Variants in C2CD3 observed in about 807,000 individuals in gnomAD.
C2CD3 encodes the protein C2 domain containing 3 centriole elongation regulator, also known as C2 domain-containing protein 3.
A neutral mutation model predicts 234.0 loss-of-function variants in C2CD3; 148 were observed. That is an observed-to-expected ratio of 0.63 (90% CI 0.55 to 0.72). The LOEUF is 0.72. Ranked by LOEUF, C2CD3 falls within the 30% of genes least tolerant of loss-of-function variation. C2CD3 has a pLI of 0.00. For missense variants in C2CD3, 2,577 were observed against 2,811.5 expected, an observed-to-expected ratio of 0.92 and a Z score of 1.89; for synonymous variants, 1,000 against 1,035.4, an observed-to-expected ratio of 0.97 and a Z score of 0.66.
At chr11:74,030,670 C>T (rs1379576679) in intron 31 of C2CD3, among the ~76,000 whole-genome samples, 4 of 152,162 alleles carry the variant, frequency 2.6e-5, no homozygotes, top group Non-Finnish European at 5.9e-5. Flanking sequence ...GTTCCCCCTT[C>T]CCAGGCTCTT....
intron 9 of C2CD3, among the ~76,000 whole-genome samples, chr11:74,115,067 T>C (rs1449686256): frequency 2.6e-5 from 4 of 151,680 alleles, no homozygotes; most frequent in African/African-American, 7.3e-5. Context: ...TCTGGTCCTA[T>C]AGTACAAGAA....
chr11:74,116,910 GTATA>G (rs1364688465), intron 9 of C2CD3, among the ~76,000 whole-genome samples: 1 of 109,918 alleles, frequency 9.1e-6, no homozygotes, highest in African/African-American at 4.0e-5. Context: ...ACACGTGTAT[GTATA>G]TATACATATA....
intron 25 of C2CD3, among the ~76,000 whole-genome samples, chr11:74,056,039 T>C (rs1953935157): frequency 6.6e-6 from 1 of 152,230 alleles, no homozygotes; most frequent in East Asian, 1.9e-4. Context: ...CTGGCCACTA[T>C]GGCCAGAATT....
intron 24 of C2CD3, among the ~76,000 whole-genome samples, chr11:74,063,380 T>C (rs980306741): frequency 3.9e-5 from 6 of 152,164 alleles, no homozygotes; most frequent in African/African-American, 1.4e-4. Flanking sequence ...AAATCCTCAA[T>C]AAAATACTGG....
Position 74,138,760 on chromosome 11 carries a change from A to G in C2CD3, c.915T>C (p.Ile305=). The change falls in exon 5 of 33, where the codon ATT becomes ATC. Residue 305 remains isoleucine (I), a synonymous_variant. Transcript: ENST00000334126. The part of the protein sequence containing the change: ...TVAKSHSDSC[I]LSSNNLPTKD... The stretch of plus-strand genomic sequence containing the variant: ...TGGTAGGGAGGTTGTTTGAAGAAAG[A>G]ATGCATGAGTCACTGTGACTCTTGG... The G allele has an allele frequency of 6.2e-7, 1 of 1,612,756 alleles. No homozygotes were observed. The highest frequency in any genetic ancestry group is 8.5e-7 in the Non-Finnish European group (1 of 1,178,758).
chr11:74,025,467 T>C (rs184728826), intron 32 of C2CD3, among the ~76,000 whole-genome samples: 54 of 152,168 alleles, frequency 3.5e-4, no homozygotes, highest in African/African-American at 1.2e-3. Context: ...GGAGTAAAAA[T>C]ATTTAGTATT....
In C2CD3 at chr11:74,042,074, G is replaced by C; in HGVS notation, c.5640C>G (p.Thr1880=). The change falls in exon 29 of 33, where the codon ACC becomes ACG. Residue 1880 remains threonine, a synonymous_variant. Coordinates refer to ENST00000334126, the MANE Select transcript of C2CD3 (RefSeq NM_001286577.2). ...KLTTSPLSSQ[T]SILTSLRKNL... is the part of the protein sequence containing the mutation. ...CTCACCTGAGAGAAGTCAGAATGGA[G>C]GTTTGGGAGGACAAAGGTGATGTGG... 1 of 1,614,054 alleles carries C rather than the reference G, an allele frequency of 6.2e-7. No homozygotes were observed. The highest frequency in any genetic ancestry group is 8.5e-7 in the Non-Finnish European group (1 of 1,180,004).
intron 19 of C2CD3, 88 bp from the exon 20 acceptor site, chr11:74,091,024 G>C: frequency 7.2e-7 from 1 of 1,380,650 alleles, no homozygotes; most frequent in African/African-American, 1.4e-5. Context: ...AAGGATGGAA[G>C]AGGATTAACA....
Position 74,042,146 on chromosome 11 carries a change from G to A in C2CD3, c.5568C>T (p.Ser1856=), listed in dbSNP as rs776618919. 1.9e-6 allele frequency: 3 copies of A among 1,613,602 alleles called. No homozygotes were observed. The highest frequency in any genetic ancestry group is 2.5e-6 in the Non-Finnish European group (3 of 1,179,958). ...HVQNIRRFHE[S]LHLQGEAPLP... is the part of the protein sequence containing the mutation. ...AGGGTGCCTCTCCCTGAAGATGCAG[G>A]GATTCATGAAACCGGCGAATGTTCT... The change falls in exon 29 of 33, where the codon TCC becomes TCT. Residue 1856 remains serine (S), a synonymous_variant. Coordinates refer to ENST00000334126, the MANE Select transcript of C2CD3 (RefSeq NM_001286577.2).
chr11:74,084,453 G>C (rs956233186), intron 22 of C2CD3, among the ~76,000 whole-genome samples: 1 of 150,344 alleles, frequency 6.7e-6, no homozygotes, highest in Admixed American at 6.6e-5. Flanking sequence ...AAAAGAAAAA[G>C]AAAAAAGAAA....
chr11:74,127,820 T>C (rs1337565168), intron 7 of C2CD3, among the ~76,000 whole-genome samples: 1 of 152,156 alleles, frequency 6.6e-6, no homozygotes, highest in African/African-American at 2.4e-5. Flanking sequence ...ATTGTCTTGA[T>C]TTCCCGATAA....
chr11:74,132,774 T>C, intron 7 of C2CD3, 70 bp downstream of exon 7: 2 of 1,454,234 alleles, frequency 1.4e-6, no homozygotes, highest in Middle Eastern at 1.8e-4. Flanking sequence ...GGAAGATGAA[T>C]CTGATAACAA....
At chr11:74,053,049 A>G (rs571347485) in intron 26 of C2CD3, among the ~76,000 whole-genome samples, 87 of 152,328 alleles carry the variant, frequency 5.7e-4, no homozygotes, top group African/African-American at 1.8e-3. Flanking sequence ...TCATCACCTC[A>G]ATTTTCCAAG....
chr11:74,133,106 A>G, intron 6 of C2CD3, 134 bp from the exon 7 acceptor site: 1 of 813,014 alleles, frequency 1.2e-6, no homozygotes, highest in Non-Finnish European at 2.0e-6. Context: ...CTTAAATAAA[A>G]CTTTACACTT....
At chr11:74,154,777 G>A (rs1236662324) in intron 3 of C2CD3, among the ~76,000 whole-genome samples, 3 of 152,182 alleles carry the variant, frequency 2.0e-5, no homozygotes, top group East Asian at 1.9e-4. Context: ...GATTTGGCTT[G>A]GGGGTTGCAG....
Position 74,170,962 on chromosome 11 carries a change from C to A in C2CD3, c.-170G>T, listed in dbSNP as rs1019326648. On this transcript the variant is annotated 5_prime_UTR_variant, in exon 1 of 33. Transcript: ENST00000334126. ...CTCTAACAGTCTCCGGAAAACGGTG[C>A]GAAGAGAAGGCGCCAAGACGCCTTC... 19 of 1,453,546 alleles carry A rather than the reference C, an allele frequency of 1.3e-5. No homozygotes were observed. The highest frequency in any genetic ancestry group is 2.5e-5 in the East Asian group (1 of 40,386). The allele number at this position is 1,453,546 out of a possible 1,614,324, so 90.0% of individuals were successfully genotyped here.
chr11:74,158,562 A>T (rs1856199964), intron 3 of C2CD3, among the ~76,000 whole-genome samples: 1 of 152,042 alleles, frequency 6.6e-6, no homozygotes, highest in Non-Finnish European at 1.5e-5. Flanking sequence ...GTCTCTACTA[A>T]AAATACAAAA....
intron 32 of C2CD3, among the ~76,000 whole-genome samples, chr11:74,017,017 G>A (rs1016722051): frequency 1.7e-4 from 26 of 152,198 alleles, no homozygotes; most frequent in Admixed American, 1.6e-3. Context: ...AATGAAGAGA[G>A]AGGGTATGCC....
chr11:74,170,609 C>T (rs953915580), intron 1 of C2CD3, 129 bp downstream of exon 1: 6 of 1,091,278 alleles, frequency 5.5e-6, no homozygotes, highest in Non-Finnish European at 6.8e-6. Flanking sequence ...TTTTAACCTT[C>T]TGGTTCCCTG....
Sources: allele counts gnomAD v4.1 joint callset (sites outside exome capture counted in the v4.1 genomes callset), GRCh38; gene constraint gnomAD v4.1.1; transcripts MANE v1.5; gene names NCBI Gene and HGNC (gene_info 2026-07-23, HGNC 2026-07-21).